The following POLR1F variants were observed in gnomAD, a reference collection of about 807,000 sequenced individuals.
POLR1F encodes the protein DNA-directed RNA polymerase I subunit RPA43.
In POLR1F, 23 loss-of-function variants were observed where a neutral mutation model predicts 21.8. That is an observed-to-expected ratio of 1.05 (90% CI 0.76 to 1.49). POLR1F has a LOEUF of 1.49. POLR1F is among the 40% of genes most tolerant of loss of function. POLR1F has a pLI of 0.00. For missense variants in POLR1F, 435 were observed against 412.1 expected, an observed-to-expected ratio of 1.06 and a Z score of -0.48; for synonymous variants, 162 against 152.8, an observed-to-expected ratio of 1.06 and a Z score of -0.45.
chr7:19,706,108 T>C (rs1379428322), intron 1 of POLR1F, among the ~76,000 whole-genome samples: 1 of 152,238 alleles, frequency 6.6e-6, no homozygotes, highest in East Asian at 1.9e-4. Flanking sequence ...ACAATTCACA[T>C]AAAATAAGGG....
At chr7:19,701,463 G>T (rs1783445549) in intron 2 of POLR1F, among the ~76,000 whole-genome samples, 1 of 152,154 alleles carries the variant, frequency 6.6e-6, no homozygotes, top group Non-Finnish European at 1.5e-5. Flanking sequence ...TATAATGGAA[G>T]ATAAGTTGTT....
chr7:19,703,227 G>A (rs2128006646), intron 2 of POLR1F, among the ~76,000 whole-genome samples: 1 of 152,212 alleles, frequency 6.6e-6, no homozygotes, highest in Admixed American at 6.5e-5. Context: ...AATGTATAAT[G>A]AATAATTCCA....
Position 19,697,625 on chromosome 7 carries a change from T to C in POLR1F, c.*691A>G, listed in dbSNP as rs1199029186. 3 of 152,174 alleles carry C rather than the reference T, an allele frequency of 2.0e-5. No homozygotes were observed. Among genetic ancestry groups the C allele is most frequent in the East Asian group, 1.9e-4 (1 of 5,202 alleles). 9.4% of individuals were successfully genotyped at this position (152,174 alleles called of 1,614,324 possible). A position where few individuals can be genotyped will look rare whatever the true frequency, so the allele number is the denominator to read the frequency against. On this transcript the variant is annotated 3_prime_UTR_variant, in exon 4 of 4. Coordinates refer to ENST00000222567, the MANE Select transcript of POLR1F (RefSeq NM_001002926.2). ...CAACACACAACAAAACTAGAATGGC[T>C]GAGGCACAAATGAACAAGTACAAGA...
At chr7:19,702,284 T>C (rs1783456021) in intron 2 of POLR1F, among the ~76,000 whole-genome samples, 1 of 152,178 alleles carries the variant, frequency 6.6e-6, no homozygotes, top group East Asian at 1.9e-4. Flanking sequence ...AACCTAAAAC[T>C]GCTGTTAAAA....
intron 3 of POLR1F, among the ~76,000 whole-genome samples, chr7:19,699,480 G>A (rs1284705697): frequency 6.6e-6 from 1 of 152,108 alleles, no homozygotes; most frequent in African/African-American, 2.4e-5. Flanking sequence ...TTGAACAGCT[G>A]TTCCAGAACT....
Position 19,704,929 on chromosome 7 carries a change from AG to A in POLR1F, c.255-10del. ...TAGGGACACCTAAAAGGCTGTAAAA[AG>A]AAAAAGTTGAAAATGATACCTTTTA... is the stretch of plus-strand genomic sequence containing the variant. On this transcript the variant is annotated splice_polypyrimidine_tract_variant and intron_variant, in intron 1 of 3. Transcript: ENST00000222567. 1 of 1,554,170 alleles carries A rather than the reference AG, an allele frequency of 6.4e-7. No individual in the cohort carries two copies. Among genetic ancestry groups the A allele is most frequent in the Non-Finnish European group, 8.6e-7 (1 of 1,160,552 alleles).
intron 2 of POLR1F, among the ~76,000 whole-genome samples, chr7:19,703,379 C>A (rs536053788): frequency 6.6e-6 from 1 of 152,068 alleles, no homozygotes; most frequent in Admixed American, 6.6e-5. Flanking sequence ...ACAGACCTGA[C>A]GAAATTCACT....
chr7:19,704,961 TTTTA>T (rs780227439), intron 1 of POLR1F, 41 bp from the exon 2 acceptor site: 28 of 1,535,804 alleles, frequency 1.8e-5, no homozygotes, highest in East Asian at 4.7e-5. Context: ...TTTTATCGTC[TTTTA>T]TTTATTTATG....
Position 19,706,182 on chromosome 7 carries a change from T to C in POLR1F, c.255-1262A>G, listed in dbSNP as rs150095730. ...GCCAGAAGCCACAGAAAATACACTT[T>C]AAGAATTACCAAATTAGGAAAACCC... On this transcript the variant is annotated intron_variant, in intron 1 of 3. Coordinates refer to ENST00000222567, the MANE Select transcript of POLR1F (RefSeq NM_001002926.2). Among the ~76,000 whole-genome samples, 4 of 152,278 alleles carry C rather than the reference T, an allele frequency of 2.6e-5. No homozygotes were observed. The East Asian group carries it at 5.8e-4, about 22-fold the overall frequency.
intron 3 of POLR1F, among the ~76,000 whole-genome samples, chr7:19,699,654 C>A (rs1375337464): frequency 6.6e-6 from 1 of 152,032 alleles, no homozygotes; most frequent in East Asian, 1.9e-4. Flanking sequence ...CAGAATAATA[C>A]AGAAATTAAA....
At chr7:19,705,939 C>A (rs1465584165) in intron 1 of POLR1F, among the ~76,000 whole-genome samples, 11 of 152,102 alleles carry the variant, frequency 7.2e-5, no homozygotes, top group South Asian at 2.1e-4. Context: ...CCTGACTCCC[C>A]CAGGCAAAGC....
At chr7:19,702,403 A>G (rs1041888901) in intron 2 of POLR1F, among the ~76,000 whole-genome samples, 4 of 152,120 alleles carry the variant, frequency 2.6e-5, no homozygotes, top group African/African-American at 7.2e-5. Flanking sequence ...CCTACCTCAC[A>G]CTACACACAA....
intron 2 of POLR1F, among the ~76,000 whole-genome samples, chr7:19,703,407 C>G (rs192720331): frequency 3.4e-4 from 52 of 152,168 alleles, no homozygotes; most frequent in Non-Finnish European, 6.0e-4. Context: ...ACAATATGAT[C>G]TGTGCATTTT....
chr7:19,700,083 T>G lies in POLR1F; in HGVS notation c.594A>C (p.Leu198=). ...AATGATAAACTAACCTTGTGATATT[T>G]AGTTTTCCCCGAATGCAGAATACTC... ...AAGVFCIRGK[L]NITSLQFKRS... The change falls in exon 3 of 4, where the codon CTA becomes CTC. Residue 198 remains leucine (L), a synonymous_variant. Coordinates refer to ENST00000222567, the MANE Select transcript of POLR1F (RefSeq NM_001002926.2). The G allele has an allele frequency of 6.2e-7, 1 of 1,613,532 alleles. No homozygotes were observed. The highest frequency in any genetic ancestry group is 8.5e-7 in the Non-Finnish European group (1 of 1,179,504).
At chr7:19,703,450 A>T (rs557840453) in intron 2 of POLR1F, among the ~76,000 whole-genome samples, 1 of 152,338 alleles carries the variant, frequency 6.6e-6, no homozygotes, top group Admixed American at 6.5e-5. Context: ...CCAAATATTA[A>T]TAATAATAAT....
At chr7:19,706,959 T>C (rs117665053) in intron 1 of POLR1F, among the ~76,000 whole-genome samples, 3,916 of 152,316 alleles carry the variant, frequency 0.026, 80 homozygotes, top group South Asian at 0.07. Flanking sequence ...CCAAGTAATA[T>C]GGAAGGAGTG....
chr7:19,698,686 T>G lies in POLR1F; in HGVS notation c.647A>C (p.Glu216Ala), dbSNP rs770112631. 6.4e-7 allele frequency: 1 copy of G among 1,566,862 alleles called. No homozygotes were observed. Among genetic ancestry groups the G allele is most frequent in the East Asian group, 2.3e-5 (1 of 44,188 alleles). Residue 216 changes from glutamate (E) to alanine (A), a missense_variant, in exon 4 of 4, where the codon GAA becomes GCA. Coordinates refer to ENST00000222567, the MANE Select transcript of POLR1F (RefSeq NM_001002926.2). ...KRSEVSEEVT[E>A]NGTEEAAKKP... ...TTTAGCAGCTTCCTCAGTGCCATTTTCTGTAACTTCTTCAGAAACTTCAGA... is the reference window on the plus strand; with the variant it reads ...TTTAGCAGCTTCCTCAGTGCCATTTGCTGTAACTTCTTCAGAAACTTCAGA...
At chr7:19,701,610 C>T (rs552976803) in intron 2 of POLR1F, among the ~76,000 whole-genome samples, 1 of 152,162 alleles carries the variant, frequency 6.6e-6, no homozygotes, top group East Asian at 1.9e-4. Context: ...ACAGCCGGTT[C>T]TTACCTTAGA....
Position 19,698,692 on chromosome 7 carries a change from ACTT to A in POLR1F, c.638_640del (p.Glu213del). ...AGCTTCCTCAGTGCCATTTTCTGTA[ACTT>A]CTTCAGAAACTTCAGAGCGCTTGAA... On this transcript the variant is annotated inframe_deletion, in exon 4 of 4. Coordinates refer to ENST00000222567, the MANE Select transcript of POLR1F (RefSeq NM_001002926.2). 1 of 1,565,156 alleles carries A rather than the reference ACTT, an allele frequency of 6.4e-7. No individual in the cohort carries two copies. The highest frequency in any genetic ancestry group is 8.6e-7 in the Non-Finnish European group (1 of 1,166,110).
Sources: allele counts gnomAD v4.1 joint callset (sites outside exome capture counted in the v4.1 genomes callset), GRCh38; gene constraint gnomAD v4.1.1; transcripts MANE v1.5; gene names NCBI Gene and HGNC (gene_info 2026-07-23, HGNC 2026-07-21).